SGCD: variants seen among roughly 807,000 people sequenced by gnomAD.
The protein encoded by SGCD is delta-sarcoglycan.
SGCD carries 18 observed loss-of-function variants against 36.6 expected under a neutral mutation model. The ratio of observed to expected loss-of-function variants is 0.49; its 90% CI spans 0.34 to 0.73. SGCD has a LOEUF of 0.73. SGCD is among the 30% of genes least tolerant of loss of function. The pLI, the probability that SGCD is intolerant of heterozygous loss-of-function variation, is 0.01. For missense variants in SGCD, 387 were observed against 346.7 expected, an observed-to-expected ratio of 1.12 and a Z score of -0.92; for synonymous variants, 133 against 130.6, an observed-to-expected ratio of 1.02 and a Z score of -0.12.
chr5:156,433,434 A>G (rs748502654), intron 3 of SGCD, among the ~76,000 whole-genome samples: 3 of 152,146 alleles, frequency 2.0e-5, no homozygotes, highest in Non-Finnish European at 4.4e-5. Context: ...ACTAAGCAGA[A>G]GAACAAAGGC....
chr5:156,544,393 G>A (rs1758476167), intron 4 of SGCD, among the ~76,000 whole-genome samples: 1 of 152,120 alleles, frequency 6.6e-6, no homozygotes, highest in South Asian at 2.1e-4. Context: ...TTTGAAAACG[G>A]CCAAGTCAGA....
At chr5:155,886,299 GTATC>G (rs1423874873) in intron 1 of SGCD, among the ~76,000 whole-genome samples, 10 of 152,282 alleles carry the variant, frequency 6.6e-5, no homozygotes, top group African/African-American at 1.9e-4. Flanking sequence ...TCTGCTTTCT[GTATC>G]TATCTATCTA....
intron 1 of SGCD, among the ~76,000 whole-genome samples, chr5:155,971,751 T>C (rs1296228425): frequency 6.6e-6 from 1 of 152,114 alleles, no homozygotes; most frequent in African/African-American, 2.4e-5. Flanking sequence ...TGTCCTATAG[T>C]TTACAATTGT....
At chr5:156,118,193 G>A (rs956947815) in intron 2 of SGCD, among the ~76,000 whole-genome samples, 1 of 152,090 alleles carries the variant, frequency 6.6e-6, no homozygotes, top group Admixed American at 6.6e-5. Flanking sequence ...GAGGCTGTGT[G>A]GGATAGCATG....
intron 4 of SGCD, among the ~76,000 whole-genome samples, chr5:156,576,244 G>T (rs896165336): frequency 6.6e-6 from 1 of 152,158 alleles, no homozygotes; most frequent in Non-Finnish European, 1.5e-5. Context: ...TCCCTGCAAA[G>T]GACGTGAACT....
At chr5:156,589,390 G>C in intron 5 of SGCD, 72 bp downstream of exon 5, 1 of 804,220 alleles carries the variant, frequency 1.2e-6, no homozygotes, top group South Asian at 1.6e-5. Context: ...ATGGTCAAAG[G>C]AAACACCATA....
chr5:155,982,234 G>A (rs973730607), intron 1 of SGCD, among the ~76,000 whole-genome samples: 8 of 152,000 alleles, frequency 5.3e-5, no homozygotes, highest in Non-Finnish European at 7.4e-5. Context: ...TCAGACTGTC[G>A]GGGCATGAGG....
the SGCD span, among the ~76,000 whole-genome samples, chr5:155,787,650 T>C: frequency 2.0e-5 from 3 of 152,340 alleles, no homozygotes; most frequent in East Asian, 1.9e-4. Context: ...CTCATGTTTA[T>C]GTCCTGTCTG....
chr5:156,513,975 G>C (rs186344949), intron 4 of SGCD, among the ~76,000 whole-genome samples: 102 of 152,306 alleles, frequency 6.7e-4, no homozygotes, highest in Middle Eastern at 3.4e-3. Context: ...AATACCACTT[G>C]AATGCATTAG....
chr5:155,844,421 T>TTGTGTGTGTGTGTG, the SGCD span, among the ~76,000 whole-genome samples: 6,224 of 144,476 alleles, frequency 0.043, 162 homozygotes, highest in South Asian at 0.081. Context: ...TGCTAAGGCT[T>TTGTGTGTGTGTGTG]TGTGTGTGTG....
At chr5:156,177,203 T>C (rs1388258939) in intron 3 of SGCD, among the ~76,000 whole-genome samples, 3 of 152,122 alleles carry the variant, frequency 2.0e-5, no homozygotes, top group African/African-American at 7.2e-5. Flanking sequence ...GGTTTTACCA[T>C]GTTGGCCAGG....
At chr5:155,852,315 T>G in the SGCD span, among the ~76,000 whole-genome samples, 58 of 152,302 alleles carry the variant, frequency 3.8e-4, no homozygotes, top group African/African-American at 1.3e-3. Context: ...TTGGAAATTG[T>G]CAATAGACTT....
chr5:156,256,484 C>G (rs983481039), intron 3 of SGCD, among the ~76,000 whole-genome samples: 12 of 152,130 alleles, frequency 7.9e-5, no homozygotes, highest in African/African-American at 2.7e-4. Flanking sequence ...ACCAAAGCAT[C>G]CAGTTGTCGC....
At position 156,646,026 on chromosome 5, in the gene SGCD, T is replaced by A. The variant is rs756339; in HGVS notation, c.503-1438T>A. Among the ~76,000 whole-genome samples the A allele has an allele frequency of 2.6e-3, 389 of 152,176 alleles. 4 individuals are homozygous for A. The highest frequency in any genetic ancestry group is 9.1e-3 in the African/African-American group (378 of 41,498). ...AGAGGGAAACTGAATATCACAGAAGTTGAACTTCATGCCCAAGGTCACTCA... is the reference window on the plus strand; with the variant it reads ...AGAGGGAAACTGAATATCACAGAAGATGAACTTCATGCCCAAGGTCACTCA... On this transcript the variant is annotated intron_variant, in intron 6 of 8. Transcript: ENST00000337851.
At chr5:156,747,524 GT>G (rs1756990424) in intron 7 of SGCD, among the ~76,000 whole-genome samples, 1 of 152,152 alleles carries the variant, frequency 6.6e-6, no homozygotes, top group Non-Finnish European at 1.5e-5. Context: ...TCTGTAGACT[GT>G]TGGACTGAAC....
chr5:156,326,774 A>C (rs1767829970), upstream of SGCD: 1 of 152,348 alleles, frequency 6.6e-6, no homozygotes. Context: ...ACTTATCTCC[A>C]GCATCTAGCA....
At chr5:156,193,331 G>A (rs1449899624) in intron 3 of SGCD, among the ~76,000 whole-genome samples, 1 of 152,102 alleles carries the variant, frequency 6.6e-6, no homozygotes, top group East Asian at 1.9e-4. Context: ...CTGTGGTGTA[G>A]CCAAGTCTAT....
intron 7 of SGCD, among the ~76,000 whole-genome samples, chr5:156,650,309 C>A (rs191253272): frequency 2.6e-5 from 4 of 152,228 alleles, no homozygotes; most frequent in Admixed American, 2.6e-4. Flanking sequence ...GTATGTCCCA[C>A]AGAGGCTAGA....
chr5:155,886,438 G>A (rs1756000919), intron 1 of SGCD, among the ~76,000 whole-genome samples: 1 of 152,170 alleles, frequency 6.6e-6, no homozygotes, highest in Admixed American at 6.5e-5. Flanking sequence ...GGTCCAGTCA[G>A]AACTGGAGAA....
Sources: gnomAD v4.1 joint callset for allele counts (sites outside exome capture counted in the v4.1 genomes callset) on GRCh38, gnomAD v4.1.1 for gene constraint, MANE v1.5 for transcripts, NCBI Gene and HGNC (gene_info 2026-07-23, HGNC 2026-07-21) for gene names.